Variants in ZBTB38 observed in about 807,000 individuals in gnomAD.
ZBTB38 encodes zinc finger and BTB domain-containing protein 38.
ZBTB38 carries 20 observed loss-of-function variants against 76.8 expected under a neutral mutation model. The observed-to-expected ratio is 0.26, with a 90% confidence interval of 0.18 to 0.38. ZBTB38 has a LOEUF of 0.38. Ranked by LOEUF, ZBTB38 falls within the 10% of genes least tolerant of loss-of-function variation. The pLI is 1.00. For synonymous variants in ZBTB38, 504 were observed against 544.2 expected (o/e 0.93, Z 1.03); for missense variants, 1,082 against 1,482.3 (o/e 0.73, Z 4.43).
intron 2 of ZBTB38, among the ~76,000 whole-genome samples, chr3:141,378,568 CT>C (rs1480686625): frequency 6.6e-6 from 1 of 152,188 alleles, no homozygotes; most frequent in East Asian, 1.9e-4. Flanking sequence ...GGTATTAAAA[CT>C]TTTTAAAAGT....
At chr3:141,349,711 CAG>C (rs1270923700) in intron 1 of ZBTB38, among the ~76,000 whole-genome samples, 5 of 151,966 alleles carry the variant, frequency 3.3e-5, no homozygotes, top group African/African-American at 1.2e-4. Context: ...GCCTGGGCAA[CAG>C]AGTGAGACTC....
Position 141,443,005 on chromosome 3 carries a change from C to T in ZBTB38, c.617C>T (p.Thr206Met), listed in dbSNP as rs776980812. ...MRTASLCLER[T>M]DVCHEAEPVR... ...ACAGCTAGCCTTTGCCTGGAGAGGA[C>T]GGACGTCTGCCACGAGGCAGAGCCT... Residue 206 changes from threonine (T) to methionine (M), a missense_variant, in exon 6 of 6, where the codon ACG (threonine) becomes ATG (methionine). By Grantham distance (81) the Thr-to-Met change is moderately conservative. Coordinates refer to ENST00000321464, the MANE Select transcript of ZBTB38 (RefSeq NM_001376113.1). The surrounding 1 kb of genome is among the most constrained non-coding windows in gnomAD (Gnocchi z 5.6). 3.1e-6 allele frequency: 5 copies of T among 1,614,106 alleles called. No homozygotes were observed. Among genetic ancestry groups the T allele is most frequent in the Non-Finnish European group, 2.5e-6 (3 of 1,180,052 alleles).
intron 5 of ZBTB38, among the ~76,000 whole-genome samples, chr3:141,410,481 A>C (rs939108045): frequency 2.6e-5 from 4 of 152,232 alleles, no homozygotes; most frequent in African/African-American, 9.6e-5. Context: ...AACAGAACCC[A>C]CTGTCCTAGG....
Position 141,445,307 on chromosome 3 carries a change from A to G in ZBTB38, c.2919A>G (p.Glu973=). Residue 973 remains glutamate, a synonymous_variant, in exon 6 of 6, where the codon GAA becomes GAG. Transcript: ENST00000321464. The surrounding 1 kb of genome is among the most constrained non-coding windows in gnomAD (Gnocchi z 6.5). ...CTCCTCAGGATAAACCCTTTGAGGA[A>G]GAAGAAACTAAAGAGATGCCCAAGC... ...GKAPQDKPFE[E]EETKEMPKLQ... 2 of 1,614,206 alleles carry G rather than the reference A, an allele frequency of 1.2e-6. No homozygotes were observed. Among genetic ancestry groups the G allele is most frequent in the Non-Finnish European group, 8.5e-7 (1 of 1,180,040 alleles).
intron 1 of ZBTB38, among the ~76,000 whole-genome samples, chr3:141,358,201 G>T (rs952133301): frequency 6.6e-6 from 1 of 152,154 alleles, no homozygotes; most frequent in Non-Finnish European, 1.5e-5. Flanking sequence ...GAGGTGCAAG[G>T]GGCATTTCTG....
intron 1 of ZBTB38, among the ~76,000 whole-genome samples, chr3:141,345,173 A>G (rs1479124602): frequency 1.3e-5 from 2 of 152,232 alleles, no homozygotes; most frequent in African/African-American, 2.4e-5. Flanking sequence ...TAAGTTGGAA[A>G]AATGGGGCAC....
At chr3:141,421,670 C>G (rs1024522241) in intron 5 of ZBTB38, among the ~76,000 whole-genome samples, 3 of 152,226 alleles carry the variant, frequency 2.0e-5, no homozygotes, top group African/African-American at 7.2e-5. Context: ...GAGATTCACA[C>G]ACTGGCTGGA....
At chr3:141,404,255 C>G (rs1032601016) in intron 5 of ZBTB38, among the ~76,000 whole-genome samples, 1 of 152,158 alleles carries the variant, frequency 6.6e-6, no homozygotes, top group Non-Finnish European at 1.5e-5. Flanking sequence ...TTTCTTGTTC[C>G]AGTTCTGTCA....
intron 5 of ZBTB38, among the ~76,000 whole-genome samples, chr3:141,414,456 C>A (rs6764191): frequency 0.07 from 10,656 of 152,266 alleles, 1,288 homozygotes; most frequent in African/African-American, 0.24. Flanking sequence ...CATGTCACCA[C>A]AAATAAGTCA....
chr3:141,383,914 G>A (rs117064732), intron 3 of ZBTB38, among the ~76,000 whole-genome samples: 6 of 152,282 alleles, frequency 3.9e-5, no homozygotes, highest in East Asian at 1.9e-4. Flanking sequence ...TGAGAAGCAC[G>A]CAATTTTTTT....
At chr3:141,367,785 C>T (rs1180044702), upstream of ZBTB38, 1 of 152,222 alleles carries the variant, frequency 6.6e-6, no homozygotes, top group East Asian at 1.9e-4. Context: ...TCATAAAGCA[C>T]AGAGGCTTGA....
chr3:141,342,720 A>T (rs1037671071), intron 1 of ZBTB38, among the ~76,000 whole-genome samples: 1 of 144,234 alleles, frequency 6.9e-6, no homozygotes, highest in Non-Finnish European at 1.5e-5. Context: ...ATAAGGTCCC[A>T]TGATCTTTTT....
chr3:141,398,772 C>T (rs1370373046), intron 4 of ZBTB38, among the ~76,000 whole-genome samples: 1 of 152,110 alleles, frequency 6.6e-6, no homozygotes, highest in Admixed American at 6.5e-5. Flanking sequence ...AGAAAAATAA[C>T]CACAGTACTA....
intron 2 of ZBTB38, among the ~76,000 whole-genome samples, chr3:141,376,564 G>A (rs1426680540): frequency 2.0e-5 from 3 of 152,204 alleles, no homozygotes; most frequent in Non-Finnish European, 4.4e-5. Flanking sequence ...TGAATCAGAT[G>A]GAGGGTGACT....
chr3:141,384,868 T>C (rs1402997297), intron 3 of ZBTB38: 1 of 152,248 alleles, frequency 6.6e-6, no homozygotes, highest in Non-Finnish European at 1.5e-5. Flanking sequence ...ACTCTTGCTA[T>C]GGTTCAGGTA....
At chr3:141,426,092 A>T in intron 5 of ZBTB38, 1 of 1,255,624 alleles carries the variant, frequency 8.0e-7, no homozygotes, top group Non-Finnish European at 1.0e-6. Flanking sequence ...ATTTGTTTGG[A>T]GTATGGGCAT....
At chr3:141,337,785 T>C (rs1277298775) in intron 1 of ZBTB38, among the ~76,000 whole-genome samples, 1 of 152,162 alleles carries the variant, frequency 6.6e-6, no homozygotes, top group East Asian at 1.9e-4. Flanking sequence ...CTCACAACAG[T>C]CCTTTGCAGG....
At chr3:141,402,795 C>G (rs1378855901) in intron 4 of ZBTB38, 1 of 152,240 alleles carries the variant, frequency 6.6e-6, no homozygotes, top group Non-Finnish European at 1.5e-5. Context: ...GGAATGCGCT[C>G]CCGGGGCTGG....
intron 1 of ZBTB38, among the ~76,000 whole-genome samples, chr3:141,350,995 A>G (rs1199033695): frequency 6.6e-6 from 1 of 152,236 alleles, no homozygotes; most frequent in Non-Finnish European, 1.5e-5. Flanking sequence ...ACAGTTCACC[A>G]TTGCTTTATT....
Sources: allele counts gnomAD v4.1 joint callset (sites outside exome capture counted in the v4.1 genomes callset), GRCh38; gene constraint gnomAD v4.1.1; non-coding constraint Gnocchi (gnomAD v3.1); transcripts MANE v1.5; gene names NCBI Gene and HGNC (gene_info 2026-07-23, HGNC 2026-07-21).